Variants in SLC7A1 observed in about 807,000 individuals in gnomAD.
SLC7A1 encodes the protein solute carrier family 7 member 1, also known as high affinity cationic amino acid transporter 1.
A neutral mutation model predicts 53.9 loss-of-function variants in SLC7A1; 10 were observed. The observed-to-expected ratio is 0.19, with a 90% confidence interval of 0.11 to 0.31. The LOEUF (loss-of-function observed/expected upper bound fraction) is 0.31, where lower values mean the gene tolerates loss of function less well. SLC7A1 is among the 10% of genes least tolerant of loss of function. The pLI, the probability that SLC7A1 is intolerant of heterozygous loss-of-function variation, is 1.00. For missense variants in SLC7A1, 525 were observed against 827.2 expected, an observed-to-expected ratio of 0.63 and a Z score of 4.48; for synonymous variants, 342 against 338.7, an observed-to-expected ratio of 1.01 and a Z score of -0.11.
At chr13:29,516,532 T>G (rs567816873) in intron 11 of SLC7A1, among the ~76,000 whole-genome samples, 1 of 152,374 alleles carries the variant, frequency 6.6e-6, no homozygotes, top group South Asian at 2.1e-4. Flanking sequence ...GCGATTCTCC[T>G]GCTAAAGAAA....
intron 2 of SLC7A1, among the ~76,000 whole-genome samples, chr13:29,538,723 T>C (rs1869535229): frequency 6.6e-6 from 1 of 152,214 alleles, no homozygotes; most frequent in South Asian, 2.1e-4. Context: ...TAGTAAACAA[T>C]TGCGTGGATA....
rs141880332 is a variant in SLC7A1 at position 29,542,681 on chromosome 13, CA to C, written c.-14-6480del. ...CTCCAGACAGAGGGAGACCCTGTTTCAAAAAAAAAAAAAAGACTAAATGAGC... is the reference window on the plus strand; with the variant it reads ...CTCCAGACAGAGGGAGACCCTGTTTCAAAAAAAAAAAAAGACTAAATGAGC... On this transcript the variant is annotated intron_variant, in intron 2 of 12. Transcript: ENST00000380752. Among the ~76,000 whole-genome samples, 160 of 137,340 alleles carry C rather than the reference CA, an allele frequency of 1.2e-3. 1 individual carries two copies. Among genetic ancestry groups the C allele is most frequent in the South Asian group, 1.4e-3 (6 of 4,178 alleles). The allele number at this position is 137,340 out of a possible 152,430, so 90.1% of individuals were successfully genotyped here.
At chr13:29,554,999 C>T (rs543569489) in intron 1 of SLC7A1, among the ~76,000 whole-genome samples, 9 of 152,256 alleles carry the variant, frequency 5.9e-5, no homozygotes, top group African/African-American at 1.9e-4. Flanking sequence ...TCATGACCAT[C>T]GTGATAAGCA....
intron 1 of SLC7A1, among the ~76,000 whole-genome samples, chr13:29,579,060 A>C (rs1398494704): frequency 6.6e-6 from 1 of 152,228 alleles, no homozygotes; most frequent in Non-Finnish European, 1.5e-5. Flanking sequence ...CTCTCTAGAT[A>C]TCTCAACACA....
At chr13:29,532,796 C>A (rs778826763) in intron 4 of SLC7A1, 28 bp downstream of exon 4, 1 of 1,591,466 alleles carries the variant, frequency 6.3e-7, no homozygotes, top group Non-Finnish European at 8.6e-7. Flanking sequence ...TCACTCTGAC[C>A]CGATCTCTTT....
intron 12 of SLC7A1, among the ~76,000 whole-genome samples, chr13:29,514,906 G>A (rs749578764): frequency 4.6e-5 from 7 of 152,204 alleles, no homozygotes; most frequent in African/African-American, 1.2e-4. Flanking sequence ...TGATGCCCCC[G>A]GAGGCCACGA....
intron 2 of SLC7A1, among the ~76,000 whole-genome samples, chr13:29,544,042 CA>C (rs1869791600): frequency 6.6e-6 from 1 of 152,106 alleles, no homozygotes; most frequent in South Asian, 2.1e-4. Context: ...CAGGTTAAAG[CA>C]ACATGGGAGC....
At chr13:29,566,884 GTTGCTAAGGCAGCACTTTCTCCCACATAC>G (rs1870990159) in intron 1 of SLC7A1, among the ~76,000 whole-genome samples, 1 of 152,172 alleles carries the variant, frequency 6.6e-6, no homozygotes, top group Non-Finnish European at 1.5e-5. Context: ...TTCAAGTTCG[GTTGCTAAGGCAGCACTTTCTCCCACATAC>G]TTTAATTCTG....
At chr13:29,584,499 T>C (rs2139188055) in intron 1 of SLC7A1, among the ~76,000 whole-genome samples, 2 of 152,324 alleles carry the variant, frequency 1.3e-5, no homozygotes, top group East Asian at 3.9e-4. Flanking sequence ...GTAAGCACTC[T>C]GAGTTCTCAC....
intron 2 of SLC7A1, among the ~76,000 whole-genome samples, chr13:29,553,012 A>T (rs1319830889): frequency 6.6e-6 from 1 of 152,212 alleles, no homozygotes; most frequent in Non-Finnish European, 1.5e-5. Flanking sequence ...CTCACTGGCC[A>T]GCCTTGACCG....
chr13:29,587,544 A>G (rs1871935030), intron 1 of SLC7A1, among the ~76,000 whole-genome samples: 2 of 152,204 alleles, frequency 1.3e-5, no homozygotes, highest in African/African-American at 2.4e-5. Context: ...GCTCACTGAT[A>G]TGGGGCCAGT....
At chr13:29,554,933 T>C (rs1262607953) in intron 1 of SLC7A1, among the ~76,000 whole-genome samples, 3 of 152,368 alleles carry the variant, frequency 2.0e-5, no homozygotes, top group Non-Finnish European at 4.4e-5. Flanking sequence ...CACTTCCCAA[T>C]ATTTAATGTT....
intron 9 of SLC7A1, 135 bp downstream of exon 9, chr13:29,519,312 C>T (rs1411440999): frequency 3.5e-5 from 20 of 566,046 alleles, no homozygotes; most frequent in South Asian, 1.5e-4. Context: ...AGGTCCTCCC[C>T]TCTCCTTGGC....
Position 29,592,409 on chromosome 13 carries a change from T to TG in SLC7A1, c.-115+3006dup, listed in dbSNP as rs372649511. Among the ~76,000 whole-genome samples the TG allele has an allele frequency of 2.2e-3, 329 of 152,346 alleles. 1 individual carries two copies. Among genetic ancestry groups the TG allele is most frequent in the African/African-American group, 7.5e-3 (312 of 41,572 alleles). On this transcript the variant is annotated intron_variant, in intron 1 of 12. Transcript: ENST00000380752. Reference sequence around the variant, plus strand: ...CCTGGGATGACCAAATCTCGACCAGTGGGCCAGGTAAATGGCATCCCCTGG... The same window carrying TG: ...CCTGGGATGACCAAATCTCGACCAGTGGGGCCAGGTAAATGGCATCCCCTGG...
At chr13:29,522,292 A>T in intron 8 of SLC7A1, 25 bp downstream of exon 8, 1 of 1,612,446 alleles carries the variant, frequency 6.2e-7, no homozygotes, top group Non-Finnish European at 8.5e-7. Context: ...AAACATTTCC[A>T]TGTGAAATGA....
intron 2 of SLC7A1, among the ~76,000 whole-genome samples, chr13:29,544,800 C>T (rs1248594882): frequency 6.8e-6 from 1 of 146,896 alleles, no homozygotes; most frequent in Non-Finnish European, 1.5e-5. Context: ...GTGTAAAATA[C>T]AGAAGAGGGC....
In SLC7A1 at chr13:29,554,081, G is replaced by A. The variant is rs143194279; in HGVS notation, c.-114-221C>T. On this transcript the variant is annotated intron_variant, in intron 1 of 12. Transcript: ENST00000380752. The stretch of plus-strand genomic sequence containing the variant: ...TGGGGAGCCAGAATAGATGCCCTCC[G>A]CACCAGAGATTCCACCGCTTTACCT... 2.9e-3 allele frequency among the ~76,000 whole-genome samples: 437 copies of A among 152,272 alleles called. 1 individual carries two copies. The highest frequency in any genetic ancestry group is 0.01 in the African/African-American group (418 of 41,562).
intron 1 of SLC7A1, among the ~76,000 whole-genome samples, chr13:29,587,660 A>G (rs1019908709): frequency 6.6e-6 from 1 of 152,190 alleles, no homozygotes; most frequent in Non-Finnish European, 1.5e-5. Context: ...TTTCTTTTCA[A>G]GTCTCAAACA....
At chr13:29,532,378 A>G (rs947051196) in intron 4 of SLC7A1, among the ~76,000 whole-genome samples, 1 of 152,228 alleles carries the variant, frequency 6.6e-6, no homozygotes, top group African/African-American at 2.4e-5. Flanking sequence ...AAACCATCCA[A>G]GTCATCTTCA....
Sources: gnomAD v4.1 joint callset for allele counts (sites outside exome capture counted in the v4.1 genomes callset) on GRCh38, gnomAD v4.1.1 for gene constraint, MANE v1.5 for transcripts, NCBI Gene and HGNC (gene_info 2026-07-23, HGNC 2026-07-21) for gene names.